Variants in CYB561 observed in about 807,000 individuals in gnomAD.
The protein encoded by CYB561 is cytochrome b561.
Under a neutral mutation model 25.3 loss-of-function variants are expected in CYB561, and 11 were observed. That is an observed-to-expected ratio of 0.44 (90% CI 0.27 to 0.72). The LOEUF is 0.72. Ranked by LOEUF, CYB561 falls within the 30% of genes least tolerant of loss-of-function variation. The probability of loss-of-function intolerance (pLI) is 0.18; values close to 1 mark genes in which losing one functional copy is unlikely to be tolerated. For missense variants in CYB561, 295 were observed against 334.9 expected, an observed-to-expected ratio of 0.88 and a Z score of 0.93; for synonymous variants, 165 against 158.8, an observed-to-expected ratio of 1.04 and a Z score of -0.29.
rs1325386234 is a variant in CYB561 at position 63,435,680 on chromosome 17, G to A, written c.405+8C>T. On this transcript the variant is annotated splice_region_variant and intron_variant, in intron 4 of 5. Transcript: ENST00000360793. ...TGGCCCCAGGCCCGGGGTGTTGGAA[G>A]GACTCACCTGCACAAAGTACAGGAC... is the stretch of plus-strand genomic sequence containing the variant. 6.2e-7 allele frequency: 1 copy of A among 1,612,922 alleles called. No individual in the cohort carries two copies. Among genetic ancestry groups the A allele is most frequent in the Admixed American group, 1.7e-5 (1 of 60,034 alleles).
chr17:63,440,881 G>T (rs2286572), intron 1 of CYB561: 25,198 of 152,238 alleles, frequency 0.17, 2,695 homozygotes, highest in Non-Finnish European at 0.24. Flanking sequence ...TCTCCAGGTC[G>T]CCGCCTCCTT....
chr17:63,445,502 G>A (rs987036749), intron 1 of CYB561, among the ~76,000 whole-genome samples: 2 of 151,858 alleles, frequency 1.3e-5, no homozygotes, highest in African/African-American at 4.8e-5. Context: ...TGAATGAGAG[G>A]AGGACGACCA....
At chr17:63,443,273 T>G (rs981168912) in intron 1 of CYB561, among the ~76,000 whole-genome samples, 12 of 152,242 alleles carry the variant, frequency 7.9e-5, no homozygotes, top group South Asian at 4.1e-4. Flanking sequence ...AGCATGGCAC[T>G]AAGCCCTGGT....
In CYB561 at chr17:63,435,258, G is replaced by A. The variant is rs530263235; in HGVS notation, c.406-15C>T. ...CCCACCAGCCACTAGGATTTGAAAGGAGACGGTTCCGGGACAGGGCGGCCG... is the reference window on the plus strand; with the variant it reads ...CCCACCAGCCACTAGGATTTGAAAGAAGACGGTTCCGGGACAGGGCGGCCG... On this transcript the variant is annotated splice_polypyrimidine_tract_variant and intron_variant, in intron 4 of 5. Coordinates refer to ENST00000360793, the MANE Select transcript of CYB561 (RefSeq NM_001915.4). 6.2e-7 allele frequency: 1 copy of A among 1,612,474 alleles called. No individual in the cohort carries two copies. The highest frequency in any genetic ancestry group is 1.3e-5 in the African/African-American group (1 of 74,974).
Position 63,438,243 on chromosome 17 carries a change from C to A in CYB561, c.-13-683G>T, listed in dbSNP as rs765401230. On this transcript the variant is annotated intron_variant, in intron 1 of 5. Transcript: ENST00000360793. ...TTCTGTTTCATGAGGCCCTGGCCTTCCCTGGGTGGGCTTTACAGGTGAGTT... is the reference window on the plus strand; with the variant it reads ...TTCTGTTTCATGAGGCCCTGGCCTTACCTGGGTGGGCTTTACAGGTGAGTT... 9.1e-6 allele frequency: 14 copies of A among 1,534,824 alleles called. No homozygotes were observed. The South Asian group carries it at 1.7e-4, about 18-fold the overall frequency.
rs372231804 is a variant in CYB561, at chr17:63,436,070, G to T, written c.285C>A (p.Leu95=). The change falls in exon 3 of 6, where the codon CTC becomes CTA. Residue 95 remains leucine, a synonymous_variant. Transcript: ENST00000360793. This position sits in a 1 kb window ranked among gnomAD's most constrained non-coding sequence, Gnocchi z 4.8. Reference sequence around the variant, plus strand: ...GGAACTCACCAACCAGGGCGATGACGAGCGCAAAGATGTGCAGCAGCCCGT... The same window carrying T: ...GGAACTCACCAACCAGGGCGATGACTAGCGCAAAGATGTGCAGCAGCCCGT... ...VLHGLLHIFA[L]VIALVGLVAV... 8 of 1,614,186 alleles carry T rather than the reference G, an allele frequency of 5.0e-6. No individual in the cohort carries two copies. In the South Asian group the frequency reaches 7.7e-5, roughly 16 times the overall value.
At chr17:63,435,003 G>T in intron 5 of CYB561, 83 bp downstream of exon 5, 2 of 1,436,758 alleles carry the variant, frequency 1.4e-6, no homozygotes, top group Non-Finnish European at 1.9e-6. Context: ...GGCTCAGGAA[G>T]CCACAGCTGG....
Position 63,434,219 on chromosome 17 carries a change from C to A in CYB561, c.*183G>T. The stretch of plus-strand genomic sequence containing the variant: ...CACACAATGAACTGGTCTATAGCAG[C>A]GGAGAAAGGAGAAGCAGAGGAGGCG... On this transcript the variant is annotated 3_prime_UTR_variant, in exon 6 of 6. Coordinates refer to ENST00000360793, the MANE Select transcript of CYB561 (RefSeq NM_001915.4). 1 of 600,478 alleles carries A rather than the reference C, an allele frequency of 1.7e-6. No homozygotes were observed. The highest frequency in any genetic ancestry group is 2.9e-6 in the Non-Finnish European group (1 of 340,022). The allele number at this position is 600,478 out of a possible 1,614,324, so 37.2% of individuals were successfully genotyped here.
At chr17:63,435,598 C>T (rs2049288140) in intron 4 of CYB561, 90 bp downstream of exon 4, 2 of 1,042,686 alleles carry the variant, frequency 1.9e-6, no homozygotes, top group Non-Finnish European at 3.0e-6. Flanking sequence ...GAAATCAGGC[C>T]CTTCCATGAG....
At chr17:63,443,382 G>A (rs1036876494) in intron 1 of CYB561, among the ~76,000 whole-genome samples, 4 of 152,130 alleles carry the variant, frequency 2.6e-5, no homozygotes, top group African/African-American at 7.2e-5. Flanking sequence ...ATCCTAGGGC[G>A]GCTGTCCTGG....
chr17:63,440,306 G>T (rs1210482498), intron 1 of CYB561: 1 of 398,464 alleles, frequency 2.5e-6, no homozygotes, highest in Non-Finnish European at 4.4e-6. Flanking sequence ...CTTCTTCCGG[G>T]CCCAGGTGAC....
At chr17:63,437,656 G>T in intron 1 of CYB561, 96 bp from the exon 2 acceptor site, 2 of 917,798 alleles carry the variant, frequency 2.2e-6, no homozygotes, top group East Asian at 2.8e-5. Context: ...ATGCGCACAG[G>T]CCCCCCGAGA....
chr17:63,437,579 C>T lies in CYB561; in HGVS notation c.-13-19G>A. 6.3e-7 allele frequency: 1 copy of T among 1,592,012 alleles called. No individual in the cohort carries two copies. Among genetic ancestry groups the T allele is most frequent in the Non-Finnish European group, 8.5e-7 (1 of 1,175,074 alleles). ...GCAAACGCTGCAAGAAAGAGCAGAG[C>T]TCAGAGGAGCAGCGCACAGCACCCC... On this transcript the variant is annotated intron_variant, in intron 1 of 5. Transcript: ENST00000360793.
Position 63,434,398 on chromosome 17 carries a change from CG to C in CYB561, c.*3del. On this transcript the variant is annotated 3_prime_UTR_variant, in exon 6 of 6. Coordinates refer to ENST00000360793, the MANE Select transcript of CYB561 (RefSeq NM_001915.4). ...CCGCGAACCCCCAGGGCCGGCCGGG[CG>C]CATCACTGGGAGCCGGGGCTATCTC... 3 of 1,550,916 alleles carry C rather than the reference CG, an allele frequency of 1.9e-6. No individual in the cohort carries two copies. Among genetic ancestry groups the C allele is most frequent in the Non-Finnish European group, 2.6e-6 (3 of 1,144,338 alleles).
At chr17:63,443,879 G>A (rs2049398943) in intron 1 of CYB561, among the ~76,000 whole-genome samples, 1 of 152,174 alleles carries the variant, frequency 6.6e-6, no homozygotes. Context: ...TCCTGCCCCA[G>A]CCTCCCAAAG....
chr17:63,435,185 C>A lies in CYB561; in HGVS notation c.464G>T (p.Arg155Leu). The A allele has an allele frequency of 1.2e-6, 2 of 1,614,162 alleles. No individual in the cohort carries two copies. The highest frequency in any genetic ancestry group is 1.6e-4 in the Middle Eastern group (1 of 6,062). The change falls in exon 5 of 6, where the codon CGC becomes CTC. Residue 155 changes from arginine (R) to leucine (L), a missense_variant. Transcript: ENST00000360793. ...FPGASFSLRS[R>L]YRPQHIFFGA... ...AAAGAAGATGTGCTGTGGGCGGTAG[C>A]GGCTCCGCAGGGAGAATGAAGCTCC...
At chr17:63,437,970 G>GGGGGGCCCC in intron 1 of CYB561, 1 of 643,050 alleles carries the variant, frequency 1.6e-6, no homozygotes, top group Non-Finnish European at 2.5e-6. Context: ...TCCCACGGCG[G>GGGGGGCCCC]CCCCGCCACC....
intron 1 of CYB561, chr17:63,438,255 T>C (rs2147495843): frequency 1.3e-6 from 2 of 1,532,264 alleles, no homozygotes; most frequent in South Asian, 2.4e-5. Context: ...CTGGGTGGGC[T>C]TTACAGGTGA....
At chr17:63,443,352 C>T (rs1010338743) in intron 1 of CYB561, among the ~76,000 whole-genome samples, 2 of 152,162 alleles carry the variant, frequency 1.3e-5, no homozygotes, top group African/African-American at 4.8e-5. Context: ...GAACAAGCCG[C>T]AGGGGCTGCA....
Sources: gnomAD v4.1 joint callset for allele counts (sites outside exome capture counted in the v4.1 genomes callset) on GRCh38, gnomAD v4.1.1 for gene constraint, Gnocchi (gnomAD v3.1) non-coding constraint, MANE v1.5 for transcripts, NCBI Gene and HGNC (gene_info 2026-07-23, HGNC 2026-07-21) for gene names.